OGA: variants seen among roughly 807,000 people sequenced by gnomAD.
OGA encodes the protein O-GlcNAcase.
Under a neutral mutation model 102.0 loss-of-function variants are expected in OGA, and 21 were observed. The observed-to-expected ratio is 0.21, with a 90% confidence interval of 0.15 to 0.30. The LOEUF (loss-of-function observed/expected upper bound fraction) is 0.30, where lower values mean the gene tolerates loss of function less well. Among genes scored for constraint, OGA ranks in the 10% least tolerant of loss-of-function variants. OGA has a pLI of 1.00. For missense variants in OGA, 765 were observed against 1,107.8 expected, an observed-to-expected ratio of 0.69 and a Z score of 4.39; for synonymous variants, 408 against 378.2, an observed-to-expected ratio of 1.08 and a Z score of -0.91.
At chr10:101,813,200 C>G (rs558943288) in intron 2 of OGA, 73 bp from the exon 3 acceptor site, 3 of 937,720 alleles carry the variant, frequency 3.2e-6, no homozygotes, top group South Asian at 2.9e-5. Flanking sequence ...TTTCCCTCTT[C>G]TTGGAGCATC....
Position 101,791,278 on chromosome 10 carries a change from C to T in OGA, c.2261+76G>A. ...GATTTAAAATAAATAAATATATTTC[C>T]AGTCATCACCTCCCCTCAACCTGAT... On this transcript the variant is annotated intron_variant, in intron 13 of 15. Transcript: ENST00000361464. 2.2e-5 allele frequency: 28 copies of T among 1,289,782 alleles called. 1 individual carries two copies. Among genetic ancestry groups the T allele is most frequent in the Non-Finnish European group, 3.1e-5 (28 of 906,090 alleles). 79.9% of individuals were successfully genotyped at this position (1,289,782 alleles called of 1,614,324 possible).
chr10:101,792,997 T>C, intron 11 of OGA, 54 bp from the exon 12 acceptor site: 1 of 1,418,200 alleles, frequency 7.1e-7, no homozygotes, highest in Non-Finnish European at 1.0e-6. Flanking sequence ...ATCCATTTTT[T>C]TAAATGGGTG....
In OGA at chr10:101,798,242, T is replaced by C. The variant is rs568157098; in HGVS notation, c.1810-88A>G. The C allele has an allele frequency of 3.0e-5, 37 of 1,229,832 alleles. No individual in the cohort carries two copies. In the African/African-American group the frequency reaches 4.8e-4, roughly 16 times the overall value. 76.2% of individuals were successfully genotyped at this position (1,229,832 alleles called of 1,614,324 possible). A position where few individuals can be genotyped will look rare whatever the true frequency, so the allele number is the denominator to read the frequency against. On this transcript the variant is annotated intron_variant, in intron 9 of 15. Transcript: ENST00000361464. ...GTTACACATTAAGCTGCTTATGTTG[T>C]CAGGTACTGGCAATTTATCTTAACC...
intron 6 of OGA, among the ~76,000 whole-genome samples, chr10:101,804,731 C>T (rs1446471974): frequency 6.6e-6 from 1 of 152,078 alleles, no homozygotes; most frequent in African/African-American, 2.4e-5. Flanking sequence ...GCTGGGACTA[C>T]AGGTGTGCCC....
At chr10:101,806,512 T>C (rs1393970675) in intron 5 of OGA, among the ~76,000 whole-genome samples, 1 of 152,224 alleles carries the variant, frequency 6.6e-6, no homozygotes, top group African/African-American at 2.4e-5. Context: ...CTGCCAATTC[T>C]AAATTATTTT....
intron 2 of OGA, 48 bp downstream of exon 2, chr10:101,813,507 G>T: frequency 1.7e-6 from 2 of 1,189,146 alleles, no homozygotes; most frequent in Non-Finnish European, 2.4e-6. Context: ...AAAAGAAAAT[G>T]TTAAGAGTTT....
chr10:101,817,760 A>G, intron 1 of OGA, 64 bp downstream of exon 1: 1 of 1,509,542 alleles, frequency 6.6e-7, no homozygotes, highest in Non-Finnish European at 8.9e-7. Context: ...AATCCCCGCC[A>G]CCACCCTCCT....
intron 1 of OGA, among the ~76,000 whole-genome samples, chr10:101,816,809 G>A (rs2065632650): frequency 1.3e-5 from 2 of 151,780 alleles, no homozygotes; most frequent in South Asian, 2.1e-4. Flanking sequence ...TAATTTATAT[G>A]GTGAAAAAAA....
At chr10:101,791,153 G>A (rs544962189) in intron 13 of OGA, 65 bp from the exon 14 acceptor site, 86 of 1,490,376 alleles carry the variant, frequency 5.8e-5, no homozygotes, top group South Asian at 5.1e-4. Flanking sequence ...AGACTTCAGT[G>A]ATCCAAGACC....
rs1271944901 is a variant in OGA at position 101,785,537 on chromosome 10, A to C, written c.*914T>G. 2.0e-5 allele frequency: 3 copies of C among 152,766 alleles called. No homozygotes were observed. Among genetic ancestry groups the C allele is most frequent in the Non-Finnish European group, 4.4e-5 (3 of 68,042 alleles). 9.5% of individuals were successfully genotyped at this position (152,766 alleles called of 1,614,324 possible). On this transcript the variant is annotated 3_prime_UTR_variant, in exon 16 of 16. Coordinates refer to ENST00000361464, the MANE Select transcript of OGA (RefSeq NM_012215.5). ...CACTTTTCAACAGATTAAGTCCTAC[A>C]AAATTAGGCTCTCGTACCCCAAATG...
intron 10 of OGA, among the ~76,000 whole-genome samples, chr10:101,794,455 G>T (rs762716499): frequency 5.9e-5 from 9 of 152,140 alleles, no homozygotes; most frequent in African/African-American, 2.2e-4. Flanking sequence ...GGAAAAGGGC[G>T]GGGGAGAAGG....
intron 14 of OGA, among the ~76,000 whole-genome samples, chr10:101,790,416 G>T (rs527496854): frequency 5.3e-5 from 8 of 151,892 alleles, no homozygotes; most frequent in African/African-American, 1.7e-4. Context: ...GGCATTACAG[G>T]CACCCGCCAC....
In OGA at chr10:101,785,030, A is replaced by G. The variant is rs988190062; in HGVS notation, c.*1421T>C. On this transcript the variant is annotated 3_prime_UTR_variant, in exon 16 of 16. Transcript: ENST00000361464. ...GCTCTCTCAAAGCCCACAATGGTGG[A>G]GTTCTGTGAAAGAAAACTTAAGTTT... 1 of 152,224 alleles carries G rather than the reference A, an allele frequency of 6.6e-6. No individual in the cohort carries two copies. 9.4% of individuals were successfully genotyped at this position (152,224 alleles called of 1,614,324 possible).
At position 101,817,816 on chromosome 10, in the gene OGA, G is replaced by A. The variant is rs1469567374; in HGVS notation, c.199+8C>T. The stretch of plus-strand genomic sequence containing the variant: ...GTGCCAAAACGGGGAGGGAAGGAGG[G>A]CGCTCACCTTCCACCACACCGCAGA... On this transcript the variant is annotated splice_region_variant and intron_variant, in intron 1 of 15. Transcript: ENST00000361464. 2.6e-6 allele frequency: 4 copies of A among 1,536,846 alleles called. No individual in the cohort carries two copies. The highest frequency in any genetic ancestry group is 1.4e-5 in the African/African-American group (1 of 72,890).
chr10:101,803,034 G>A (rs541235969), intron 7 of OGA, among the ~76,000 whole-genome samples: 3 of 148,762 alleles, frequency 2.0e-5, no homozygotes, highest in East Asian at 2.0e-4. Flanking sequence ...CCAGCTACTC[G>A]GGAGGCTGAG....
In OGA at chr10:101,800,345, ACTGCCTTC is replaced by A; in HGVS notation, c.1084_1091del (p.Glu362Ter). 6.2e-7 allele frequency: 1 copy of A among 1,612,758 alleles called. No homozygotes were observed. The highest frequency in any genetic ancestry group is 8.5e-7 in the Non-Finnish European group (1 of 1,178,754). ...GTACATCAGTTTCAATATCTTCATC[ACTGCCTTC>A]ATTTTCTAATTTTATCTGGATGGAC... is the stretch of plus-strand genomic sequence containing the variant. On this transcript the variant is annotated frameshift_variant, in exon 8 of 16. Coordinates refer to ENST00000361464, the MANE Select transcript of OGA (RefSeq NM_012215.5). LOFTEE classifies it high-confidence loss of function.
chr10:101,809,732 C>T (rs1450804580), intron 4 of OGA, among the ~76,000 whole-genome samples: 5 of 141,108 alleles, frequency 3.5e-5, no homozygotes, highest in Non-Finnish European at 7.7e-5. Context: ...AAAAAAAAAG[C>T]ATTCAAAGTA....
rs1045205153 is a variant in OGA, at chr10:101,787,740, T to A, written c.2455-217A>T. On this transcript the variant is annotated intron_variant, in intron 14 of 15. Coordinates refer to ENST00000361464, the MANE Select transcript of OGA (RefSeq NM_012215.5). ...TGGCCAGGCTGGAGAGGGGCAGGCA[T>A]TCTCCCTCGCGTGCACGCGCTCTCT... The A allele has an allele frequency of 1.2e-5, 6 of 488,246 alleles. No individual in the cohort carries two copies. In the Admixed American group the frequency reaches 1.6e-4, roughly 13 times the overall value. 30.2% of individuals were successfully genotyped at this position (488,246 alleles called of 1,614,324 possible).
At chr10:101,815,616 A>G (rs1204911111) in intron 1 of OGA, among the ~76,000 whole-genome samples, 1 of 152,066 alleles carries the variant, frequency 6.6e-6, no homozygotes, top group African/African-American at 2.4e-5. Context: ...GCAGACCTAT[A>G]CAAGTCTTTA....
Sources: allele counts gnomAD v4.1 joint callset (sites outside exome capture counted in the v4.1 genomes callset), GRCh38; gene constraint gnomAD v4.1.1; transcripts MANE v1.5; gene names NCBI Gene and HGNC (gene_info 2026-07-23, HGNC 2026-07-21).